LRIG2: variants seen among roughly 807,000 people sequenced by gnomAD.
LRIG2 encodes the protein leucine-rich repeats and immunoglobulin-like domains protein 2.
A neutral mutation model predicts 107.8 loss-of-function variants in LRIG2; 93 were observed. The ratio of observed to expected loss-of-function variants is 0.86; its 90% CI spans 0.73 to 1.03. The LOEUF is 1.03. Among genes scored for constraint, LRIG2 ranks in the 50% least tolerant of loss-of-function variants. The pLI is 0.00. For synonymous variants in LRIG2, 471 were observed against 470.6 expected (o/e 1.00, Z -0.01); for missense variants, 1,226 against 1,296.0 (o/e 0.95, Z 0.83).
intron 1 of LRIG2, among the ~76,000 whole-genome samples, chr1:113,078,638 ATTTTTTT>A (rs34531634): frequency 7.2e-6 from 1 of 139,000 alleles, no homozygotes; most frequent in Non-Finnish European, 1.6e-5. Context: ...TCCTTTCTAC[ATTTTTTT>A]TTTTTTTTTG....
chr1:113,122,736 A>T lies in LRIG2; in HGVS notation c.2972-1139A>T, dbSNP rs147629528. Among the ~76,000 whole-genome samples the T allele has an allele frequency of 3.6e-3, 543 of 152,282 alleles. 8 individuals are homozygous for T. The highest frequency in any genetic ancestry group is 0.012 in the African/African-American group (503 of 41,560). ...GTCTGGTCTGTTGACTATCAGCATC[A>T]CCGTTACCTAAGAGCTTGTTAGAAA... is the stretch of plus-strand genomic sequence containing the variant. On this transcript the variant is annotated intron_variant, in intron 17 of 17. Coordinates refer to ENST00000361127, the MANE Select transcript of LRIG2 (RefSeq NM_014813.3).
chr1:113,086,100 G>C (rs960239599), intron 1 of LRIG2, among the ~76,000 whole-genome samples: 1 of 136,706 alleles, frequency 7.3e-6, no homozygotes, highest in African/African-American at 2.7e-5. Context: ...TCCGCCTCCT[G>C]TTCAAGCGAT....
At position 113,124,159 on chromosome 1, in the gene LRIG2, C is replaced by A; in HGVS notation, c.*58C>A. 6.9e-7 allele frequency: 1 copy of A among 1,443,326 alleles called. No homozygotes were observed. Among genetic ancestry groups the A allele is most frequent in the Non-Finnish European group, 9.7e-7 (1 of 1,033,004 alleles). The allele number at this position is 1,443,326 out of a possible 1,614,324, so 89.4% of individuals were successfully genotyped here. A position where few individuals can be genotyped will look rare whatever the true frequency, so the allele number is the denominator to read the frequency against. The stretch of plus-strand genomic sequence containing the variant: ...TTATTAATTAATTTTGCATTTACTA[C>A]CTCAGAGCTCAGAAGAAACTCCGAA... On this transcript the variant is annotated 3_prime_UTR_variant, in exon 18 of 18. Coordinates refer to ENST00000361127, the MANE Select transcript of LRIG2 (RefSeq NM_014813.3).
In LRIG2 at chr1:113,129,638, TC is replaced by T. The variant is rs1445175306; in HGVS notation, c.*5540del. On this transcript the variant is annotated 3_prime_UTR_variant, in exon 18 of 18. Coordinates refer to ENST00000361127, the MANE Select transcript of LRIG2 (RefSeq NM_014813.3). ...GTTAACCCTCTAAGTAGGATTAGTG[TC>T]CCATGAGTATTTCTTCCAGCAGAAT... 2 of 152,198 alleles carry T rather than the reference TC, an allele frequency of 1.3e-5. No homozygotes were observed. Among genetic ancestry groups the T allele is most frequent in the African/African-American group, 4.8e-5 (2 of 41,458 alleles). The allele number at this position is 152,198 out of a possible 1,614,324, so 9.4% of individuals were successfully genotyped here.
rs911881743 is a variant in LRIG2, at chr1:113,083,724, G to A, written c.240-7594G>A. Among the ~76,000 whole-genome samples, 5 of 151,458 alleles carry A rather than the reference G, an allele frequency of 3.3e-5. No homozygotes were observed. The South Asian group carries it at 8.4e-4, about 25-fold the overall frequency. On this transcript the variant is annotated intron_variant, in intron 1 of 17. Coordinates refer to ENST00000361127, the MANE Select transcript of LRIG2 (RefSeq NM_014813.3). ...CCATCAGGCTTTGGGTTATTAGATG[G>A]ATTTCTGGACTGGTAACGTTCTCAG...
rs899407763 is a variant in LRIG2 at position 113,114,424 on chromosome 1, T to C, written c.2081-3T>C. The stretch of plus-strand genomic sequence containing the variant: ...TTTTTTTTTTTTAATGTTTTCCTGT[T>C]AGAGACACCCTCATTTATTAGACCC... On this transcript the variant is annotated splice_polypyrimidine_tract_variant and splice_region_variant and intron_variant, in intron 14 of 17. Coordinates refer to ENST00000361127, the MANE Select transcript of LRIG2 (RefSeq NM_014813.3). 3 of 1,557,044 alleles carry C rather than the reference T, an allele frequency of 1.9e-6. No homozygotes were observed. The highest frequency in any genetic ancestry group is 2.8e-5 in the African/African-American group (2 of 72,198).
In LRIG2 at chr1:113,096,847, TACTAGG is replaced by T. The variant is rs1570745894; in HGVS notation, c.1091+484_1091+489del. On this transcript the variant is annotated intron_variant, in intron 8 of 17. Coordinates refer to ENST00000361127, the MANE Select transcript of LRIG2 (RefSeq NM_014813.3). ...CTGATATGTGCCAGGTACTTTCAAA[TACTAGG>T]ATGATACTGCTGTTTTCCATATTAG... Among the ~76,000 whole-genome samples, 16 of 152,294 alleles carry T rather than the reference TACTAGG, an allele frequency of 1.1e-4. No individual in the cohort carries two copies. In the East Asian group the frequency reaches 3.1e-3, roughly 29 times the overall value.
At chr1:113,115,380 T>A (rs1422949337) in intron 15 of LRIG2, among the ~76,000 whole-genome samples, 1 of 151,890 alleles carries the variant, frequency 6.6e-6, no homozygotes, top group Non-Finnish European at 1.5e-5. Flanking sequence ...GCGCCTAAGT[T>A]TTTATATTTT....
intron 1 of LRIG2, among the ~76,000 whole-genome samples, chr1:113,074,028 A>C (rs1652839491): frequency 6.6e-6 from 1 of 151,582 alleles, no homozygotes; most frequent in Non-Finnish European, 1.5e-5. Context: ...GCTTATCTTG[A>C]GCTGCATGAT....
rs375045494 is a variant in LRIG2, at chr1:113,116,339, G to A, written c.2583G>A (p.Thr861=). The A allele has an allele frequency of 7.2e-5, 117 of 1,613,798 alleles. No homozygotes were observed. The Middle Eastern group carries it at 8.2e-4, about 11-fold the overall frequency. The change falls in exon 16 of 18, where the codon ACG becomes ACA. Residue 861 remains threonine, a synonymous_variant. Coordinates refer to ENST00000361127, the MANE Select transcript of LRIG2 (RefSeq NM_014813.3). ...DIPSYLSSQG[T]LSEPQEGYSN... ...CCAGCTACTTGTCTTCCCAAGGAAC[G>A]CTGTCTGAGCCACAGGAAGGCTACA...
In LRIG2 at chr1:113,124,135, TATTA is replaced by T. The variant is rs747384728; in HGVS notation, c.*42_*45del. ...TCAGGATGAAATCTGGGCAGAGACT[TATTA>T]ATTAATTTTGCATTTACTACCTCAG... On this transcript the variant is annotated 3_prime_UTR_variant, in exon 18 of 18. Transcript: ENST00000361127. 14 of 1,585,484 alleles carry T rather than the reference TATTA, an allele frequency of 8.8e-6. No homozygotes were observed. The highest frequency in any genetic ancestry group is 1.2e-5 in the Non-Finnish European group (14 of 1,155,622).
Position 113,128,147 on chromosome 1 carries a change from A to G in LRIG2, c.*4046A>G, listed in dbSNP as rs531587374. 1.3e-5 allele frequency: 2 copies of G among 151,930 alleles called. No individual in the cohort carries two copies. Among genetic ancestry groups the G allele is most frequent in the Non-Finnish European group, 2.9e-5 (2 of 67,970 alleles). 9.4% of individuals were successfully genotyped at this position (151,930 alleles called of 1,614,324 possible). On this transcript the variant is annotated 3_prime_UTR_variant, in exon 18 of 18. Transcript: ENST00000361127. ...TTGCCAGAAAGTTGAGCATTTATTCATACTTATTTTCAATCCTAAGTGTTC... is the reference window on the plus strand; with the variant it reads ...TTGCCAGAAAGTTGAGCATTTATTCGTACTTATTTTCAATCCTAAGTGTTC...
At chr1:113,091,249 A>T in intron 1 of LRIG2, 69 bp from the exon 2 acceptor site, 1 of 1,041,596 alleles carries the variant, frequency 9.6e-7, no homozygotes, top group Non-Finnish European at 1.4e-6. Flanking sequence ...ATTTCTATTT[A>T]GTTTCTTTTT....
chr1:113,089,586 T>C (rs1766865), intron 1 of LRIG2, among the ~76,000 whole-genome samples: 138,838 of 151,970 alleles, frequency 0.91, 64,304 homozygotes, highest in South Asian at 0.98. Context: ...AGAATGCCTG[T>C]CTGCCTTTAT....
At chr1:113,120,847 C>G (rs935719264) in intron 17 of LRIG2, among the ~76,000 whole-genome samples, 11 of 145,922 alleles carry the variant, frequency 7.5e-5, no homozygotes, top group Admixed American at 7.0e-4. Flanking sequence ...GAGATGGAGT[C>G]TAGCCCTGTT....
chr1:113,074,917 A>G (rs6537771), intron 1 of LRIG2, among the ~76,000 whole-genome samples: 115,550 of 125,458 alleles, frequency 0.92, 53,426 homozygotes, highest in Non-Finnish European at 0.98. Flanking sequence ...GGGGGGAGGG[A>G]GGGTCGGGGA....
At chr1:113,105,906 A>T (rs1215498350) in intron 11 of LRIG2, among the ~76,000 whole-genome samples, 1 of 152,228 alleles carries the variant, frequency 6.6e-6, no homozygotes, top group Non-Finnish European at 1.5e-5. Context: ...TGAACAGTTG[A>T]ACAATGTAAG....
chr1:113,111,468 G>GC (rs944671366), intron 13 of LRIG2, among the ~76,000 whole-genome samples: 2 of 152,018 alleles, frequency 1.3e-5, no homozygotes, highest in African/African-American at 4.8e-5. Flanking sequence ...TTTATCCCTA[G>GC]CCCCCGCTCA....
chr1:113,125,916 A>G lies in LRIG2; in HGVS notation c.*1815A>G, dbSNP rs1324371167. 6.6e-6 allele frequency: 1 copy of G among 152,178 alleles called. No individual in the cohort carries two copies. Among genetic ancestry groups the G allele is most frequent in the Non-Finnish European group, 1.5e-5 (1 of 68,032 alleles). 9.4% of individuals were successfully genotyped at this position (152,178 alleles called of 1,614,324 possible). A position where few individuals can be genotyped will look rare whatever the true frequency, so the allele number is the denominator to read the frequency against. ...TCAGAATGTGAAAATATTATTTCTG[A>G]GTTCTCTTTGTTCACTTTCTAAAGT... On this transcript the variant is annotated 3_prime_UTR_variant, in exon 18 of 18. Coordinates refer to ENST00000361127, the MANE Select transcript of LRIG2 (RefSeq NM_014813.3).
Sources: gnomAD v4.1 joint callset for allele counts (sites outside exome capture counted in the v4.1 genomes callset) on GRCh38, gnomAD v4.1.1 for gene constraint, MANE v1.5 for transcripts, NCBI Gene and HGNC (gene_info 2026-07-23, HGNC 2026-07-21) for gene names.